Variants in KCNG2 observed in about 807,000 individuals in gnomAD.
KCNG2 encodes the protein voltage-gated potassium channel regulatory subunit KCNG2.
Under a neutral mutation model 12.3 loss-of-function variants are expected in KCNG2, and 7 were observed. That is an observed-to-expected ratio of 0.57 (90% CI 0.32 to 1.07). The LOEUF is 1.07. Among genes scored for constraint, KCNG2 ranks in the 50% least tolerant of loss-of-function variants. The probability of loss-of-function intolerance (pLI) is 0.04; values close to 1 mark genes in which losing one functional copy is unlikely to be tolerated. For missense variants in KCNG2, 703 were observed against 726.0 expected (o/e 0.97, Z 0.36); for synonymous variants, 414 against 351.4 (o/e 1.18, Z -1.99).
chr18:79,813,243 A>G (rs2087505707), intron 1 of KCNG2, among the ~76,000 whole-genome samples: 1 of 152,238 alleles, frequency 6.6e-6, no homozygotes, highest in South Asian at 2.1e-4. Flanking sequence ...CCCTCAACAA[A>G]ATATTAGGAA....
intron 3 of KCNG2, among the ~76,000 whole-genome samples, chr18:79,880,134 G>A (rs1299116333): frequency 6.6e-6 from 1 of 152,092 alleles, no homozygotes; most frequent in Non-Finnish European, 1.5e-5. Flanking sequence ...AAGGTGGGGT[G>A]TGTGGGAGAC....
rs780027833 is a variant in KCNG2 at position 79,899,642 on chromosome 18, G to A, written c.1227G>A (p.Ser409=). The A allele has an allele frequency of 1.2e-5, 20 of 1,605,036 alleles. No individual in the cohort carries two copies. Among genetic ancestry groups the A allele is most frequent in the Admixed American group, 1.7e-5 (1 of 59,158 alleles). The change falls in exon 4 of 4, where the codon TCG becomes TCA. Residue 409 remains serine, a synonymous_variant. Transcript: ENST00000316249. ...TCACCTCCATCTTCCACACCTTTTC[G>A]CGCTCCTACTCCGAGCTCAAGGAGC... is the stretch of plus-strand genomic sequence containing the variant. The part of the protein sequence containing the change: ...FPVTSIFHTF[S]RSYSELKEQQ...
At chr18:79,849,787 G>C (rs1352014381) in intron 1 of KCNG2, among the ~76,000 whole-genome samples, 2 of 152,218 alleles carry the variant, frequency 1.3e-5, no homozygotes, top group Non-Finnish European at 2.9e-5. Context: ...GCAGGAGCGC[G>C]TGGAAGACCC....
intron 3 of KCNG2, among the ~76,000 whole-genome samples, chr18:79,887,635 C>G (rs62103239): frequency 0.061 from 9,229 of 152,294 alleles, 367 homozygotes; most frequent in Middle Eastern, 0.1. Context: ...CGTGGATGCC[C>G]AAGCCTGGCG....
rs865909491 is a variant in KCNG2, at chr18:79,857,147, T to C, written c.-41+695T>C. ...TTCCTCAGATCTATGCTTCAGGCCATGTCCTTGGCATGGGGTGTCTGGCAC... is the reference window on the plus strand; with the variant it reads ...TTCCTCAGATCTATGCTTCAGGCCACGTCCTTGGCATGGGGTGTCTGGCAC... On this transcript the variant is annotated intron_variant, in intron 2 of 3. Coordinates refer to ENST00000316249, the MANE Select transcript of KCNG2 (RefSeq NM_012283.2). 1.3e-4 allele frequency among the ~76,000 whole-genome samples: 3 copies of C among 22,360 alleles called. 1 individual carries two copies. In the Middle Eastern group the frequency reaches 0.079, roughly 588 times the overall value. The allele number at this position is 22,360 out of a possible 152,430, so 14.7% of individuals were successfully genotyped here.
chr18:79,887,061 CA>C (rs1980545635), intron 3 of KCNG2, among the ~76,000 whole-genome samples: 1 of 140,120 alleles, frequency 7.1e-6, no homozygotes, highest in African/African-American at 2.8e-5. Context: ...GACGTGGGGA[CA>C]GGGACATGGG....
Position 79,880,408 on chromosome 18 carries a change from G to A in KCNG2, c.624+16117G>A, listed in dbSNP as rs75965682. Among the ~76,000 whole-genome samples the A allele has an allele frequency of 4.0e-5, 6 of 150,094 alleles. No individual in the cohort carries two copies. In the East Asian group the frequency reaches 1.2e-3, roughly 29 times the overall value. On this transcript the variant is annotated intron_variant, in intron 3 of 3. Coordinates refer to ENST00000316249, the MANE Select transcript of KCNG2 (RefSeq NM_012283.2). ...TGCTCAGTCACCAAAATTCACTCAA[G>A]AAGAAATAAATAACATAATCCTATG...
intron 1 of KCNG2, among the ~76,000 whole-genome samples, chr18:79,851,487 G>A (rs773641694): frequency 6.6e-6 from 1 of 152,164 alleles, no homozygotes; most frequent in Non-Finnish European, 1.5e-5. Flanking sequence ...GAGCGCCTCC[G>A]ACACTCAGAG....
chr18:79,839,283 G>A (rs959253363), intron 1 of KCNG2, among the ~76,000 whole-genome samples: 15 of 152,166 alleles, frequency 9.9e-5, no homozygotes, highest in African/African-American at 3.6e-4. Context: ...AACAGTGCAA[G>A]ACCCTGACTC....
At chr18:79,821,724 C>G (rs2087571868) in intron 1 of KCNG2, among the ~76,000 whole-genome samples, 1 of 152,146 alleles carries the variant, frequency 6.6e-6, no homozygotes, top group Non-Finnish European at 1.5e-5. Context: ...CACTCTTTTC[C>G]CAAAATCACT....
Position 79,899,702 on chromosome 18 carries a change from G to A in KCNG2, c.1287G>A (p.Leu429=), listed in dbSNP as rs374210814. The change falls in exon 4 of 4, where the codon CTG becomes CTA. Residue 429 remains leucine, a synonymous_variant. Coordinates refer to ENST00000316249, the MANE Select transcript of KCNG2 (RefSeq NM_012283.2). ...GCGCGGCCAGCCCCGAGCCGGCCCT[G>A]CAGGAGGACAGCACGCACTCGGCCA... is the stretch of plus-strand genomic sequence containing the variant. ...QQRAASPEPA[L]QEDSTHSATA... The A allele has an allele frequency of 4.4e-6, 7 of 1,607,122 alleles. No individual in the cohort carries two copies. The African/African-American group carries it at 6.7e-5, about 15-fold the overall frequency.
intron 2 of KCNG2, among the ~76,000 whole-genome samples, chr18:79,862,168 T>C (rs1436318652): frequency 1.3e-5 from 2 of 152,250 alleles, no homozygotes; most frequent in Non-Finnish European, 2.9e-5. Flanking sequence ...AGCTACACTC[T>C]TGTATTCTTT....
intron 1 of KCNG2, among the ~76,000 whole-genome samples, chr18:79,837,997 GT>G (rs1179969977): frequency 6.6e-6 from 1 of 152,206 alleles, no homozygotes; most frequent in Non-Finnish European, 1.5e-5. Context: ...GAAACTTACA[GT>G]CATGGCAGAA....
chr18:79,865,799 T>C (rs1979487660), intron 3 of KCNG2, among the ~76,000 whole-genome samples: 1 of 122,002 alleles, frequency 8.2e-6, no homozygotes, highest in Non-Finnish European at 1.8e-5. Context: ...TGCTGAGAGG[T>C]CTGTGTGCTG....
At chr18:79,817,192 ATC>A (rs1043767062) in intron 1 of KCNG2, among the ~76,000 whole-genome samples, 2 of 146,834 alleles carry the variant, frequency 1.4e-5, no homozygotes, top group Admixed American at 6.8e-5. Context: ...CCACTCACAC[ATC>A]TGTCACATGG....
intron 1 of KCNG2, among the ~76,000 whole-genome samples, chr18:79,827,839 C>G (rs1401226663): frequency 6.6e-6 from 1 of 152,060 alleles, no homozygotes; most frequent in African/African-American, 2.4e-5. Context: ...AACAATGTAC[C>G]AATTATAATC....
chr18:79,898,941 G>A, intron 3 of KCNG2, 99 bp from the exon 4 acceptor site: 2 of 880,646 alleles, frequency 2.3e-6, no homozygotes, highest in Non-Finnish European at 1.6e-6. Flanking sequence ...CGGGAAGGGT[G>A]GCCTGGGGGA....
At position 79,899,824 on chromosome 18, in the gene KCNG2, G is replaced by A. The variant is rs758799034; in HGVS notation, c.*8G>A. 43 of 1,359,194 alleles carry A rather than the reference G, an allele frequency of 3.2e-5. No individual in the cohort carries two copies. Among genetic ancestry groups the A allele is most frequent in the African/African-American group, 2.1e-4 (14 of 65,718 alleles). 84.2% of individuals were successfully genotyped at this position (1,359,194 alleles called of 1,614,324 possible). ...GTGCGGGCAGGGCGCTGACGCCTGC[G>A]CCGCCCACACGGAGACCCCCTGCCC... On this transcript the variant is annotated 3_prime_UTR_variant, in exon 4 of 4. Transcript: ENST00000316249.
At chr18:79,879,081 C>T (rs1297404031) in intron 3 of KCNG2, among the ~76,000 whole-genome samples, 1 of 152,220 alleles carries the variant, frequency 6.6e-6, no homozygotes, top group Non-Finnish European at 1.5e-5. Flanking sequence ...AGGGTGGTAG[C>T]GTGCCAGGCT....
Sources: gnomAD v4.1 joint callset for allele counts (sites outside exome capture counted in the v4.1 genomes callset) on GRCh38, gnomAD v4.1.1 for gene constraint, MANE v1.5 for transcripts, NCBI Gene and HGNC (gene_info 2026-07-23, HGNC 2026-07-21) for gene names.